The following GPC6 variants were observed in gnomAD, a reference collection of about 807,000 sequenced individuals.
The protein encoded by GPC6 is glypican 6.
In GPC6, 14 loss-of-function variants were observed where a neutral mutation model predicts 55.2. That is an observed-to-expected ratio of 0.25 (90% CI 0.17 to 0.40). The LOEUF (loss-of-function observed/expected upper bound fraction) is 0.40, where lower values mean the gene tolerates loss of function less well. Ranked by LOEUF, GPC6 falls within the 10% of genes least tolerant of loss-of-function variation. GPC6 has a pLI of 1.00. For synonymous variants in GPC6, 278 were observed against 259.6 expected (o/e 1.07, Z -0.68); for missense variants, 641 against 708.5 (o/e 0.90, Z 1.08).
At chr13:93,998,716 TG>T (rs1297394968) in intron 3 of GPC6, among the ~76,000 whole-genome samples, 3 of 152,138 alleles carry the variant, frequency 2.0e-5, no homozygotes, top group African/African-American at 4.8e-5. Context: ...AATTTTTAAT[TG>T]AAAAAAATTG....
chr13:93,220,099 C>G, the GPC6 span, among the ~76,000 whole-genome samples: 1 of 152,154 alleles, frequency 6.6e-6, no homozygotes, highest in South Asian at 2.1e-4. Context: ...GTCTGTCATA[C>G]TGCCTATTTA....
At position 93,825,454 on chromosome 13, in the gene GPC6, G is replaced by A. The variant is rs73551711; in HGVS notation, c.320-4700G>A. Reference sequence around the variant, plus strand: ...ACCGCCTCATGTGGCAAGGACAGACGTCCTGAGCAATGTCCATCTTTACTC... The same window carrying A: ...ACCGCCTCATGTGGCAAGGACAGACATCCTGAGCAATGTCCATCTTTACTC... On this transcript the variant is annotated intron_variant, in intron 2 of 8. Coordinates refer to ENST00000377047, the MANE Select transcript of GPC6 (RefSeq NM_005708.5). 6.4e-3 allele frequency among the ~76,000 whole-genome samples: 968 copies of A among 152,276 alleles called. 12 individuals are homozygous for A. The highest frequency in any genetic ancestry group is 0.022 in the African/African-American group (918 of 41,544).
At chr13:93,854,894 C>T (rs1888542496) in intron 3 of GPC6, among the ~76,000 whole-genome samples, 2 of 82,614 alleles carry the variant, frequency 2.4e-5, no homozygotes, top group South Asian at 7.2e-4. Flanking sequence ...TTTAGGTCCA[C>T]AGCAAAATTG....
chr13:93,570,910 T>G (rs1876369446), intron 2 of GPC6, among the ~76,000 whole-genome samples: 1 of 152,150 alleles, frequency 6.6e-6, no homozygotes, highest in South Asian at 2.1e-4. Flanking sequence ...ATAATTAATA[T>G]TAACAATAAT....
chr13:93,386,621 G>C (rs1036446931), intron 1 of GPC6, among the ~76,000 whole-genome samples: 5 of 152,168 alleles, frequency 3.3e-5, no homozygotes, highest in African/African-American at 1.2e-4. Flanking sequence ...GCTGGTAGAA[G>C]TCATCATAAC....
chr13:93,597,455 T>A lies in GPC6; in HGVS notation c.319+52034T>A, dbSNP rs1877811448. Among the ~76,000 whole-genome samples, 5 of 152,298 alleles carry A rather than the reference T, an allele frequency of 3.3e-5. No individual in the cohort carries two copies. The South Asian group carries it at 1.0e-3, about 32-fold the overall frequency. The stretch of plus-strand genomic sequence containing the variant: ...GAACTAAGAAGGTGAGGGAGCTGTC[T>A]GACTGGAACCTGGGCCCCCTTCCAT... On this transcript the variant is annotated intron_variant, in intron 2 of 8. Transcript: ENST00000377047.
At chr13:93,942,405 G>A (rs1878782266) in intron 3 of GPC6, among the ~76,000 whole-genome samples, 1 of 152,064 alleles carries the variant, frequency 6.6e-6, no homozygotes, top group African/African-American at 2.4e-5. Flanking sequence ...CTGCAGACTC[G>A]AACTCCCAGG....
intron 1 of GPC6, among the ~76,000 whole-genome samples, chr13:93,489,259 T>G (rs1304969366): frequency 6.6e-6 from 1 of 151,536 alleles, no homozygotes; most frequent in Non-Finnish European, 1.5e-5. Flanking sequence ...TTTGTCAGGT[T>G]TGTCAAAGAT....
chr13:93,609,251 G>C (rs1594308306), intron 2 of GPC6, among the ~76,000 whole-genome samples: 1 of 152,176 alleles, frequency 6.6e-6, no homozygotes, highest in Non-Finnish European at 1.5e-5. Context: ...GTCTTGTTCT[G>C]TCGCACAGGC....
chr13:94,226,721 G>A (rs925883320), intron 4 of GPC6, among the ~76,000 whole-genome samples: 2 of 152,130 alleles, frequency 1.3e-5, no homozygotes, highest in African/African-American at 4.8e-5. Context: ...CTCTGAAGGA[G>A]ATCACTTCTC....
chr13:94,104,010 G>T (rs1885963843), intron 4 of GPC6, among the ~76,000 whole-genome samples: 1 of 152,110 alleles, frequency 6.6e-6, no homozygotes, highest in African/African-American at 2.4e-5. Flanking sequence ...GCTTTTTATG[G>T]TTTTAGGTCT....
At chr13:94,198,756 AGAGATT>A in intron 4 of GPC6, among the ~76,000 whole-genome samples, 1 of 152,332 alleles carries the variant, frequency 6.6e-6, no homozygotes, top group Non-Finnish European at 1.5e-5. Context: ...ACATCTCATA[AGAGATT>A]TCACTGCTCT....
intron 3 of GPC6, among the ~76,000 whole-genome samples, chr13:93,907,480 C>A (rs748315059): frequency 2.0e-5 from 3 of 152,046 alleles, no homozygotes; most frequent in Non-Finnish European, 4.4e-5. Context: ...ATTCCTTAAT[C>A]ACTTATTTTT....
chr13:94,341,727 A>T (rs1278326956), intron 6 of GPC6, among the ~76,000 whole-genome samples: 2 of 152,246 alleles, frequency 1.3e-5, no homozygotes, highest in African/African-American at 4.8e-5. Flanking sequence ...ATCTTTCATA[A>T]CTTGAATAAA....
At chr13:94,206,025 C>T (rs1252957528) in intron 4 of GPC6, among the ~76,000 whole-genome samples, 1 of 151,824 alleles carries the variant, frequency 6.6e-6, no homozygotes, top group Non-Finnish European at 1.5e-5. Context: ...AAGGACAGAG[C>T]AGACAAAGAT....
chr13:93,651,094 A>G (rs1449936986), intron 2 of GPC6, among the ~76,000 whole-genome samples: 3 of 152,148 alleles, frequency 2.0e-5, no homozygotes, highest in Non-Finnish European at 4.4e-5. Context: ...CCCACCTCCC[A>G]CCTTTTAATG....
intron 4 of GPC6, among the ~76,000 whole-genome samples, chr13:94,248,605 C>CTA (rs1411819399): frequency 3.3e-5 from 5 of 151,992 alleles, no homozygotes; most frequent in Admixed American, 2.6e-4. Flanking sequence ...ATGTGACCTT[C>CTA]ATATAGGACC....
chr13:93,780,078 C>A (rs1405709176), intron 2 of GPC6, among the ~76,000 whole-genome samples: 1 of 151,838 alleles, frequency 6.6e-6, no homozygotes, highest in Admixed American at 6.6e-5. Flanking sequence ...AAGAATAAGG[C>A]CAAAGTAGTC....
intron 1 of GPC6, among the ~76,000 whole-genome samples, chr13:93,413,317 TAATC>T (rs1225525339): frequency 1.3e-5 from 2 of 152,158 alleles, no homozygotes; most frequent in African/African-American, 4.8e-5. Flanking sequence ...CAGGGTTTAA[TAATC>T]AATATCGCTG....
Sources: gnomAD v4.1 joint callset for allele counts (sites outside exome capture counted in the v4.1 genomes callset) on GRCh38, gnomAD v4.1.1 for gene constraint, MANE v1.5 for transcripts, NCBI Gene and HGNC (gene_info 2026-07-23, HGNC 2026-07-21) for gene names.